The following RNF130 variants were observed in gnomAD, a reference collection of about 807,000 sequenced individuals.
RNF130 encodes the protein ring finger protein 130, also known as E3 ubiquitin-protein ligase RNF130.
RNF130 carries 21 observed loss-of-function variants against 44.6 expected under a neutral mutation model. The observed-to-expected ratio is 0.47, with a 90% CI of 0.33 to 0.68. The LOEUF (loss-of-function observed/expected upper bound fraction) is 0.68, where lower values mean the gene tolerates loss of function less well. Among genes scored for constraint, RNF130 ranks in the 30% least tolerant of loss-of-function variants. The probability of loss-of-function intolerance (pLI) is 0.02; values close to 1 mark genes in which losing one functional copy is unlikely to be tolerated. For missense variants in RNF130, 479 were observed against 560.6 expected, an observed-to-expected ratio of 0.85 and a Z score of 1.47; for synonymous variants, 214 against 210.4, an observed-to-expected ratio of 1.02 and a Z score of -0.15.
At chr5:180,032,354 A>ATCCCTTCC (rs1764149413) in intron 2 of RNF130, among the ~76,000 whole-genome samples, 1 of 152,164 alleles carries the variant, frequency 6.6e-6, no homozygotes. Context: ...TATAGTCTAA[A>ATCCCTTCC]TCCCTTCCTC....
intron 3 of RNF130, among the ~76,000 whole-genome samples, chr5:179,981,691 T>C (rs764468400): frequency 1.3e-5 from 2 of 152,172 alleles, no homozygotes; most frequent in Non-Finnish European, 2.9e-5. Flanking sequence ...AAAGTAACAA[T>C]GATTAATCAA....
chr5:180,039,633 A>G (rs932374452), intron 2 of RNF130, among the ~76,000 whole-genome samples: 2 of 152,242 alleles, frequency 1.3e-5, no homozygotes, highest in African/African-American at 2.4e-5. Flanking sequence ...AAGGTGGGCA[A>G]GTCTTTGCAA....
At chr5:179,974,839 C>T (rs1012901559) in intron 5 of RNF130, among the ~76,000 whole-genome samples, 9 of 152,212 alleles carry the variant, frequency 5.9e-5, no homozygotes, top group Admixed American at 2.6e-4. Flanking sequence ...AGGCACGCAG[C>T]GGCGCGGGGA....
intron 2 of RNF130, among the ~76,000 whole-genome samples, chr5:180,023,828 T>C (rs568300921): frequency 9.8e-5 from 15 of 152,348 alleles, no homozygotes; most frequent in South Asian, 2.1e-4. Flanking sequence ...TCCCCACTTA[T>C]TAAGTGTGGG....
chr5:179,963,256 A>C lies in RNF130; in HGVS notation c.1244+215T>G, dbSNP rs561396474. ...AATGAAAACCTCTGGATCTTTTCTCAAACGGGCTGCTCTTGTTGAATAAGG... is the reference window on the plus strand; with the variant it reads ...AATGAAAACCTCTGGATCTTTTCTCCAACGGGCTGCTCTTGTTGAATAAGG... On this transcript the variant is annotated intron_variant, in intron 8 of 8. Coordinates refer to ENST00000521389, the MANE Select transcript of RNF130 (RefSeq NM_018434.6). Among the ~76,000 whole-genome samples the C allele has an allele frequency of 1.2e-4, 19 of 152,350 alleles. No individual in the cohort carries two copies. In the East Asian group the frequency reaches 3.1e-3, roughly 25 times the overall value.
chr5:180,000,954 G>A (rs759826324), intron 3 of RNF130, among the ~76,000 whole-genome samples: 10 of 152,040 alleles, frequency 6.6e-5, no homozygotes, highest in African/African-American at 1.5e-4. Flanking sequence ...TGTTTCTCAC[G>A]TCCCTGTGTT....
At chr5:180,021,588 T>C (rs1008375309) in intron 2 of RNF130, among the ~76,000 whole-genome samples, 2 of 152,032 alleles carry the variant, frequency 1.3e-5, no homozygotes, top group Non-Finnish European at 2.9e-5. Context: ...TCCATACTAA[T>C]TCTAGAGTCC....
At chr5:180,055,481 C>T (rs1021046069) in intron 1 of RNF130, among the ~76,000 whole-genome samples, 4 of 151,546 alleles carry the variant, frequency 2.6e-5, no homozygotes, top group Non-Finnish European at 4.4e-5. Flanking sequence ...CGCGCGCGCA[C>T]GCGTATGTGT....
intron 8 of RNF130, among the ~76,000 whole-genome samples, chr5:179,961,231 C>T (rs967192964): frequency 1.3e-5 from 2 of 152,176 alleles, no homozygotes; most frequent in Non-Finnish European, 2.9e-5. Flanking sequence ...TGCGTGCATA[C>T]ACAACATGCA....
At chr5:180,058,700 T>A (rs959564487) in intron 1 of RNF130, among the ~76,000 whole-genome samples, 3 of 151,930 alleles carry the variant, frequency 2.0e-5, no homozygotes, top group Admixed American at 1.3e-4. Context: ...AGACTACAGG[T>A]GCACACCACC....
intron 7 of RNF130, among the ~76,000 whole-genome samples, chr5:179,930,107 G>C (rs765352255): frequency 6.6e-6 from 1 of 152,046 alleles, no homozygotes; most frequent in Non-Finnish European, 1.5e-5. Context: ...GCCCAGGCTA[G>C]AGTGCAATGG....
chr5:180,005,417 A>T (rs1763443641), intron 3 of RNF130, among the ~76,000 whole-genome samples: 1 of 150,980 alleles, frequency 6.6e-6, no homozygotes, highest in African/African-American at 2.4e-5. Flanking sequence ...CGACAGAACA[A>T]GCCTCTGTCT....
chr5:179,946,616 T>G (rs248331), intron 7 of RNF130, among the ~76,000 whole-genome samples: 58 of 150,726 alleles, frequency 3.8e-4, no homozygotes, highest in African/African-American at 1.2e-3. Context: ...TGCAGTGGTG[T>G]GATCTTGGCT....
chr5:180,001,630 T>A (rs1763346688), intron 3 of RNF130, among the ~76,000 whole-genome samples: 1 of 151,974 alleles, frequency 6.6e-6, no homozygotes, highest in African/African-American at 2.4e-5. Context: ...GCAACTTAGG[T>A]CCCATGGAAT....
rs1761942814 is a variant in RNF130, at chr5:179,939,455, T to TAAAA, written c.1151-19030_1151-19029insTTTT. 4 of 188,196 alleles carry TAAAA rather than the reference T, an allele frequency of 2.1e-5. No individual in the cohort carries two copies. The East Asian group carries it at 5.1e-4, about 24-fold the overall frequency. 11.7% of individuals were successfully genotyped at this position (188,196 alleles called of 1,614,324 possible). On this transcript the variant is annotated intron_variant, in intron 7 of 7. Coordinates refer to the RNF130 transcript ENST00000522208. Reference sequence around the variant, plus strand: ...CAGATGGTGCTTCTGTAGCTGAACGTTTTTGTTCGATGACTTTGCATGCAA... The same window carrying TAAAA: ...CAGATGGTGCTTCTGTAGCTGAACGTAAAATTTTGTTCGATGACTTTGCATGCAA...
chr5:179,975,252 G>C (rs1024578682), intron 5 of RNF130, among the ~76,000 whole-genome samples: 2 of 152,280 alleles, frequency 1.3e-5, no homozygotes, highest in Non-Finnish European at 2.9e-5. Flanking sequence ...CGAAGGCGCA[G>C]CTGCGAGTGG....
At chr5:179,945,113 A>G (rs536181404) in intron 7 of RNF130, among the ~76,000 whole-genome samples, 84 of 152,300 alleles carry the variant, frequency 5.5e-4, no homozygotes, top group African/African-American at 2.0e-3. Context: ...AAATAAAGTG[A>G]TAACTGACTA....
intron 3 of RNF130, among the ~76,000 whole-genome samples, chr5:179,991,791 A>G (rs1262596442): frequency 6.6e-6 from 1 of 152,118 alleles, no homozygotes; most frequent in Non-Finnish European, 1.5e-5. Flanking sequence ...AAATAATTAT[A>G]CAAATCACCA....
chr5:179,962,971 G>A (rs1186824166), intron 8 of RNF130, among the ~76,000 whole-genome samples: 1 of 152,234 alleles, frequency 6.6e-6, no homozygotes, highest in African/African-American at 2.4e-5. Context: ...CCTCACAGCT[G>A]TCCTAACATC....
Sources: gnomAD v4.1 joint callset for allele counts (sites outside exome capture counted in the v4.1 genomes callset) on GRCh38, gnomAD v4.1.1 for gene constraint, MANE v1.5 for transcripts, NCBI Gene and HGNC (gene_info 2026-07-23, HGNC 2026-07-21) for gene names.